Variants in HERC2 observed in about 807,000 individuals in gnomAD.
The protein encoded by HERC2 is HECT and RLD domain containing E3 ubiquitin protein ligase 2.
HERC2 carries 102 observed loss-of-function variants against 537.7 expected under a neutral mutation model. The observed-to-expected ratio is 0.19, with a 90% CI of 0.16 to 0.22. The LOEUF is 0.22. Among genes scored for constraint, HERC2 ranks in the 10% least tolerant of loss-of-function variants. The pLI, the probability that HERC2 is intolerant of heterozygous loss-of-function variation, is 1.00. For missense variants in HERC2, 4,236 were observed against 6,198.2 expected (o/e 0.68, Z 10.63); for synonymous variants, 2,224 against 2,466.2 (o/e 0.90, Z 2.91).
intron 3 of HERC2, among the ~76,000 whole-genome samples, chr15:28,297,485 C>T (rs1287587053): frequency 1.3e-5 from 2 of 151,056 alleles, no homozygotes; most frequent in Admixed American, 1.3e-4. Context: ...GTTAAAAAAA[C>T]TTTATATTAA....
chr15:28,231,970 A>G (rs1479669098), intron 30 of HERC2, among the ~76,000 whole-genome samples: 1 of 152,144 alleles, frequency 6.6e-6, no homozygotes, highest in Non-Finnish European at 1.5e-5. Flanking sequence ...TCTCTCCCTC[A>G]TGCCGAGGCA....
rs1239614087 is a variant in HERC2, at chr15:28,214,638, G to T, written c.6358+17C>A. ...CCGCTCTTCACCAGGGCACAGGGAAGGTAGACGGCCACCCACCTCTGAGTA... is the reference window on the plus strand; with the variant it reads ...CCGCTCTTCACCAGGGCACAGGGAATGTAGACGGCCACCCACCTCTGAGTA... On this transcript the variant is annotated intron_variant, in intron 40 of 92. Transcript: ENST00000261609. The T allele has an allele frequency of 1.9e-6, 3 of 1,610,184 alleles. No homozygotes were observed. The highest frequency in any genetic ancestry group is 1.7e-6 in the Non-Finnish European group (2 of 1,179,554).
intron 5 of HERC2, among the ~76,000 whole-genome samples, chr15:28,277,489 T>A (rs757578315): frequency 6.6e-6 from 1 of 151,616 alleles, no homozygotes; most frequent in Admixed American, 6.6e-5. Context: ...GGGGCTTTTT[T>A]AAAATTTTAG....
At chr15:28,264,724 C>T (rs374134608) in intron 14 of HERC2, among the ~76,000 whole-genome samples, 70 of 152,238 alleles carry the variant, frequency 4.6e-4, no homozygotes, top group African/African-American at 1.6e-3. Flanking sequence ...ACAGCTTAGA[C>T]CTTACAAAAC....
At chr15:28,288,347 G>A (rs1234422225) in intron 4 of HERC2, among the ~76,000 whole-genome samples, 3 of 150,732 alleles carry the variant, frequency 2.0e-5, no homozygotes, top group Middle Eastern at 3.2e-3. Flanking sequence ...CCAACATGAC[G>A]AAACCATGTC....
chr15:28,120,904 C>G (rs977429135), intron 86 of HERC2, among the ~76,000 whole-genome samples: 3 of 152,218 alleles, frequency 2.0e-5, no homozygotes, highest in African/African-American at 7.2e-5. Flanking sequence ...AAGAGAGGAG[C>G]AGGCTGCAGG....
intron 22 of HERC2, among the ~76,000 whole-genome samples, 187 bp downstream of exon 22, chr15:28,246,555 T>C (rs1903722963): frequency 6.6e-6 from 1 of 151,560 alleles, no homozygotes; most frequent in Non-Finnish European, 1.5e-5. Flanking sequence ...TAAAGTGATA[T>C]GAGTCCCATA....
chr15:28,255,849 C>A, intron 19 of HERC2, 23 bp downstream of exon 19: 1 of 1,595,720 alleles, frequency 6.3e-7, no homozygotes. Context: ...ACCACCAGGT[C>A]ACGTGTGCCT....
intron 26 of HERC2, among the ~76,000 whole-genome samples, chr15:28,235,702 C>T (rs921409581): frequency 6.6e-6 from 1 of 152,184 alleles, no homozygotes; most frequent in Non-Finnish European, 1.5e-5. Flanking sequence ...TGAACGTCTC[C>T]ATTTCACCAT....
chr15:28,246,732 C>T lies in HERC2; in HGVS notation c.3391+10G>A. 6.5e-7 allele frequency: 1 copy of T among 1,549,824 alleles called. No individual in the cohort carries two copies. The highest frequency in any genetic ancestry group is 8.7e-7 in the Non-Finnish European group (1 of 1,151,384). ...AATAAACATGTACACAAGCAGGAAA[C>T]AAAAGGTACCAGTAAAGTCCCCTTC... On this transcript the variant is annotated intron_variant, in intron 22 of 92. Coordinates refer to ENST00000261609, the MANE Select transcript of HERC2 (RefSeq NM_004667.6).
At position 28,228,219 on chromosome 15, in the gene HERC2, A is replaced by C. The variant is rs763396275; in HGVS notation, c.5463T>G (p.Ile1821Met). Residue 1821 changes from isoleucine to methionine, a missense_variant and splice_region_variant, in exon 35 of 93, where the codon ATT (isoleucine) becomes ATG (methionine). Physicochemically the swap from Ile to Met is conservative, Grantham distance 10. Around this residue, in one of 27 missense-constraint regions of HERC2, gnomAD observed 343 missense variants for 417.2 expected, o/e 0.82. Coordinates refer to ENST00000261609, the MANE Select transcript of HERC2 (RefSeq NM_004667.6). ...LALTQTALRL[I>M]GPSCDNVEED... is the part of the protein sequence containing the mutation. ...GCGCTCAAGCGGGTGCAGACCTACCAATCAGGCGCAGTGCCGTCTGCGTGA... is the reference window on the plus strand; with the variant it reads ...GCGCTCAAGCGGGTGCAGACCTACCCATCAGGCGCAGTGCCGTCTGCGTGA... 6.2e-7 allele frequency: 1 copy of C among 1,613,272 alleles called. No homozygotes were observed. Among genetic ancestry groups the C allele is most frequent in the Non-Finnish European group, 8.5e-7 (1 of 1,179,730 alleles).
chr15:28,126,012 A>C (rs936349278), intron 83 of HERC2, among the ~76,000 whole-genome samples: 5 of 152,194 alleles, frequency 3.3e-5, no homozygotes, highest in Admixed American at 2.6e-4. Flanking sequence ...GGGTTTCACC[A>C]TGTGGGTCAG....
At position 28,294,799 on chromosome 15, in the gene HERC2, G is replaced by A. The variant is rs375810275; in HGVS notation, c.188-1777C>T. On this transcript the variant is annotated intron_variant, in intron 3 of 92. Coordinates refer to ENST00000261609, the MANE Select transcript of HERC2 (RefSeq NM_004667.6). The stretch of plus-strand genomic sequence containing the variant: ...GTGTCCCCCACCCCCAGGGCTGTGA[G>A]CATGCGTGACTAATAAACTGCTATT... Among the ~76,000 whole-genome samples the A allele has an allele frequency of 4.6e-5, 7 of 152,148 alleles. No homozygotes were observed. In the East Asian group the frequency reaches 1.2e-3, roughly 25 times the overall value.
chr15:28,278,650 A>G (rs538270732), intron 5 of HERC2, among the ~76,000 whole-genome samples: 3 of 152,338 alleles, frequency 2.0e-5, no homozygotes, highest in East Asian at 1.9e-4. Context: ...AAATTAAAAC[A>G]TAAGAAAACA....
intron 46 of HERC2, 33 bp downstream of exon 46, chr15:28,202,314 C>A: frequency 1.2e-6 from 2 of 1,612,888 alleles, no homozygotes; most frequent in South Asian, 1.1e-5. Flanking sequence ...GGAACCCACA[C>A]ATACACAAGC....
rs776444137 is a variant in HERC2 at position 28,220,502 on chromosome 15, G to A, written c.5795C>T (p.Pro1932Leu). 2.5e-5 allele frequency: 40 copies of A among 1,604,156 alleles called. No homozygotes were observed. The highest frequency in any genetic ancestry group is 4.5e-5 in the East Asian group (2 of 44,880). Residue 1932 changes from proline (P) to leucine (L), a missense_variant, in exon 37 of 93, where the codon CCG becomes CTG. Transcript: ENST00000261609. ...GKYDLKLAEL[P>L]AAAQPSAEDS... Reference sequence around the variant, plus strand: ...CTCTGCTGAGGGCTGTGCAGCAGCCGGCAGCTCTGCCAGCTTGAGGTCGTA... The same window carrying A: ...CTCTGCTGAGGGCTGTGCAGCAGCCAGCAGCTCTGCCAGCTTGAGGTCGTA...
chr15:28,307,935 C>T (rs1158128565), intron 2 of HERC2, among the ~76,000 whole-genome samples: 4 of 152,134 alleles, frequency 2.6e-5, no homozygotes, highest in African/African-American at 4.8e-5. Context: ...TAGTACTATG[C>T]TGTTTTGGTT....
chr15:28,150,577 C>T (rs766693025), intron 70 of HERC2, among the ~76,000 whole-genome samples: 22 of 149,960 alleles, frequency 1.5e-4, no homozygotes, highest in Middle Eastern at 6.8e-3. Flanking sequence ...GGCTTCTAAC[C>T]AAGAACATCA....
chr15:28,267,829 C>T (rs1271397162), intron 12 of HERC2, among the ~76,000 whole-genome samples: 1 of 152,256 alleles, frequency 6.6e-6, no homozygotes, highest in African/African-American at 2.4e-5. Context: ...CCTCTCCCTG[C>T]TCAGGGCTCC....
Sources: allele counts gnomAD v4.1 joint callset (sites outside exome capture counted in the v4.1 genomes callset), GRCh38; gene constraint gnomAD v4.1.1; regional missense constraint gnomAD v4.1.1; transcripts MANE v1.5; gene names NCBI Gene and HGNC (gene_info 2026-07-23, HGNC 2026-07-21).